PIP5K1B: variants seen among roughly 807,000 people sequenced by gnomAD.
PIP5K1B encodes phosphatidylinositol-4-phosphate 5-kinase type 1 beta.
PIP5K1B carries 42 observed loss-of-function variants against 67.0 expected under a neutral mutation model. The ratio of observed to expected loss-of-function variants is 0.63; its 90% CI spans 0.49 to 0.81. The LOEUF (loss-of-function observed/expected upper bound fraction) is 0.81, where lower values mean the gene tolerates loss of function less well. Ranked by LOEUF, PIP5K1B falls within the 30% of genes least tolerant of loss-of-function variation. PIP5K1B has a pLI of 0.00. For missense variants in PIP5K1B, 459 were observed against 646.3 expected, an observed-to-expected ratio of 0.71 and a Z score of 3.14; for synonymous variants, 214 against 231.4, an observed-to-expected ratio of 0.92 and a Z score of 0.68.
At chr9:68,981,049 A>G (rs7048825) in intron 14 of PIP5K1B, among the ~76,000 whole-genome samples, 20,821 of 152,194 alleles carry the variant, frequency 0.14, 1,597 homozygotes, top group East Asian at 0.31. Flanking sequence ...TTTTAGAGCC[A>G]ATCTGTGGAC....
intron 6 of PIP5K1B, among the ~76,000 whole-genome samples, chr9:68,883,195 A>G (rs1351489986): frequency 2.0e-5 from 3 of 152,236 alleles, no homozygotes; most frequent in Admixed American, 1.3e-4. Context: ...ATAACTAGCA[A>G]CTGATACAAA....
chr9:68,753,560 C>G (rs1260485627), intron 2 of PIP5K1B, among the ~76,000 whole-genome samples: 2 of 111,106 alleles, frequency 1.8e-5, no homozygotes, highest in African/African-American at 7.0e-5. Context: ...AGTCTCACAC[C>G]GTCACCGAGG....
intron 4 of PIP5K1B, among the ~76,000 whole-genome samples, chr9:68,829,590 A>T (rs1311119520): frequency 6.6e-6 from 1 of 152,230 alleles, no homozygotes. Flanking sequence ...GAATTATCTA[A>T]ACGTTGTTAG....
chr9:68,721,418 T>C (rs1462032478), intron 1 of PIP5K1B, among the ~76,000 whole-genome samples: 2 of 152,194 alleles, frequency 1.3e-5, no homozygotes, highest in East Asian at 3.9e-4. Context: ...TTTTGGGGAA[T>C]GGTAGTAGTA....
At chr9:68,942,265 G>T (rs1051574278) in intron 14 of PIP5K1B, among the ~76,000 whole-genome samples, 2 of 152,154 alleles carry the variant, frequency 1.3e-5, no homozygotes, top group Admixed American at 6.5e-5. Flanking sequence ...ATAAATAGCA[G>T]CTCAAAAGAT....
At chr9:68,773,479 G>T (rs1395613338) in intron 2 of PIP5K1B, among the ~76,000 whole-genome samples, 1 of 152,176 alleles carries the variant, frequency 6.6e-6, no homozygotes, top group African/African-American at 2.4e-5. Context: ...GGGTTAGATG[G>T]CTATTTTAAT....
Position 68,998,544 on chromosome 9 carries a change from G to T in PIP5K1B, c.1620+7287G>T, listed in dbSNP as rs544283387. On this transcript the variant is annotated intron_variant, in intron 15 of 15. Coordinates refer to ENST00000265382, the MANE Select transcript of PIP5K1B (RefSeq NM_003558.4). ...TTCTATTTTTGTCTTCCTTGTCAGA[G>T]AAAGCCAGTGTTTGCCATTTTCTGG... Among the ~76,000 whole-genome samples, 5 of 152,190 alleles carry T rather than the reference G, an allele frequency of 3.3e-5. No individual in the cohort carries two copies. The South Asian group carries it at 6.2e-4, about 19-fold the overall frequency.
chr9:68,770,692 G>C (rs1587417637), intron 2 of PIP5K1B, among the ~76,000 whole-genome samples: 2 of 152,146 alleles, frequency 1.3e-5, no homozygotes, highest in East Asian at 1.9e-4. Flanking sequence ...GAGGGATCTA[G>C]GTTGCTCACT....
intron 6 of PIP5K1B, among the ~76,000 whole-genome samples, chr9:68,883,195 A>C (rs1351489986): frequency 6.6e-6 from 1 of 152,236 alleles, no homozygotes; most frequent in African/African-American, 2.4e-5. Flanking sequence ...ATAACTAGCA[A>C]CTGATACAAA....
chr9:68,731,801 A>G (rs4745231), intron 1 of PIP5K1B, among the ~76,000 whole-genome samples: 80,847 of 152,088 alleles, frequency 0.53, 22,202 homozygotes, highest in African/African-American at 0.68. Flanking sequence ...GCAAATGCAT[A>G]CTAGGAAAAT....
chr9:68,967,298 A>T (rs927577276), intron 14 of PIP5K1B, among the ~76,000 whole-genome samples: 1 of 152,188 alleles, frequency 6.6e-6, no homozygotes, highest in African/African-American at 2.4e-5. Flanking sequence ...GCTCCAACTG[A>T]GGAGTTTTCT....
chr9:68,769,172 C>T lies in PIP5K1B; in HGVS notation c.-86+26515C>T, dbSNP rs1350378634. On this transcript the variant is annotated intron_variant, in intron 2 of 15. Coordinates refer to ENST00000265382, the MANE Select transcript of PIP5K1B (RefSeq NM_003558.4). ...GAGGCTATCTTTGTGGGGAACTGGC[C>T]ATTGTCTACATCTTCCTCAATGCAT... is the stretch of plus-strand genomic sequence containing the variant. Among the ~76,000 whole-genome samples the T allele has an allele frequency of 2.0e-5, 3 of 152,134 alleles. No individual in the cohort carries two copies. The East Asian group carries it at 5.8e-4, about 29-fold the overall frequency.
chr9:68,795,445 T>A (rs1587463953), intron 2 of PIP5K1B, among the ~76,000 whole-genome samples: 1 of 152,340 alleles, frequency 6.6e-6, no homozygotes, highest in East Asian at 1.9e-4. Flanking sequence ...ATGTAATATA[T>A]GGAATAATCC....
intron 4 of PIP5K1B, among the ~76,000 whole-genome samples, chr9:68,838,923 T>C (rs1042749556): frequency 6.6e-6 from 1 of 152,230 alleles, no homozygotes; most frequent in African/African-American, 2.4e-5. Context: ...ATTATTTAAT[T>C]CAGATTTTAT....
chr9:68,958,870 T>C (rs1345801794), intron 14 of PIP5K1B, among the ~76,000 whole-genome samples: 1 of 152,204 alleles, frequency 6.6e-6, no homozygotes, highest in Non-Finnish European at 1.5e-5. Context: ...GAGAAAAGTA[T>C]TTTATGGTAT....
intron 2 of PIP5K1B, among the ~76,000 whole-genome samples, chr9:68,787,391 C>A (rs1272041463): frequency 2.0e-5 from 3 of 152,150 alleles, no homozygotes; most frequent in Non-Finnish European, 4.4e-5. Flanking sequence ...AGTCTCCAGT[C>A]CTTTTGTAGA....
chr9:68,725,788 T>G (rs1460402509), intron 1 of PIP5K1B, among the ~76,000 whole-genome samples: 1 of 152,220 alleles, frequency 6.6e-6, no homozygotes, highest in African/African-American at 2.4e-5. Flanking sequence ...ATAATGTTAG[T>G]GAACTGCAAA....
intron 14 of PIP5K1B, among the ~76,000 whole-genome samples, chr9:68,979,745 G>A (rs1829806582): frequency 6.6e-6 from 1 of 152,222 alleles, no homozygotes; most frequent in South Asian, 2.1e-4. Flanking sequence ...GCCTGCAGCA[G>A]GCTTCCTGCT....
At chr9:68,754,273 C>T (rs1587392755) in intron 2 of PIP5K1B, among the ~76,000 whole-genome samples, 1 of 150,708 alleles carries the variant, frequency 6.6e-6, no homozygotes, top group Non-Finnish European at 1.5e-5. Context: ...GGGTTCACGC[C>T]ATTCTCCTGC....
Sources: gnomAD v4.1 joint callset for allele counts (sites outside exome capture counted in the v4.1 genomes callset) on GRCh38, gnomAD v4.1.1 for gene constraint, MANE v1.5 for transcripts, NCBI Gene and HGNC (gene_info 2026-07-23, HGNC 2026-07-21) for gene names.